The following SGCD variants were observed in gnomAD, a reference collection of about 807,000 sequenced individuals.
SGCD encodes delta-sarcoglycan.
In SGCD, 18 loss-of-function variants were observed where a neutral mutation model predicts 36.6. The observed-to-expected ratio is 0.49, with a 90% confidence interval of 0.34 to 0.73. The LOEUF is 0.73. Ranked by LOEUF, SGCD falls within the 30% of genes least tolerant of loss-of-function variation. The pLI is 0.01. For synonymous variants in SGCD, 133 were observed against 130.6 expected (o/e 1.02, Z -0.12); for missense variants, 387 against 346.7 (o/e 1.12, Z -0.92).
At chr5:156,158,556 C>G (rs1332821589) in intron 3 of SGCD, among the ~76,000 whole-genome samples, 1 of 151,424 alleles carries the variant, frequency 6.6e-6, no homozygotes, top group South Asian at 2.1e-4. Flanking sequence ...TCACGGCCTT[C>G]TCTCCAGTCT....
chr5:156,589,348 A>G, intron 5 of SGCD, 30 bp downstream of exon 5: 1 of 1,235,830 alleles, frequency 8.1e-7, no homozygotes, highest in Non-Finnish European at 1.2e-6. Flanking sequence ...AACAGTGCCT[A>G]GCCCATGCGA....
Position 156,710,702 on chromosome 5 carries a change from G to A in SGCD, c.576-46879G>A, listed in dbSNP as rs367744024. On this transcript the variant is annotated intron_variant, in intron 7 of 8. Transcript: ENST00000337851. ...ATTATCTAAAGATCTGGAGTCAATA[G>A]AGTGTCTCGGTTTAGATAAGGGATT... 4.1e-4 allele frequency among the ~76,000 whole-genome samples: 62 copies of A among 152,324 alleles called. No individual in the cohort carries two copies. The South Asian group carries it at 0.012, about 30-fold the overall frequency.
chr5:156,576,581 C>T (rs530509811), intron 4 of SGCD, among the ~76,000 whole-genome samples: 36 of 152,312 alleles, frequency 2.4e-4, no homozygotes, highest in African/African-American at 8.2e-4. Flanking sequence ...TCCTCTCCAG[C>T]ACTTGTTGTT....
At chr5:155,808,400 C>A in the SGCD span, among the ~76,000 whole-genome samples, 1 of 152,146 alleles carries the variant, frequency 6.6e-6, no homozygotes, top group Admixed American at 6.5e-5. Context: ...AAATTTTGCA[C>A]CCACCCTTGT....
intron 2 of SGCD, among the ~76,000 whole-genome samples, chr5:156,119,697 T>A (rs949552086): frequency 6.6e-6 from 1 of 152,124 alleles, no homozygotes; most frequent in African/African-American, 2.4e-5. Context: ...TACCTTCTGC[T>A]GCTCCCACTC....
intron 1 of SGCD, among the ~76,000 whole-genome samples, chr5:156,024,566 G>A (rs1024296532): frequency 7.2e-5 from 11 of 151,920 alleles, no homozygotes; most frequent in South Asian, 4.2e-4. Flanking sequence ...CACTGTGGCC[G>A]AGAATTCAAA....
the SGCD span, among the ~76,000 whole-genome samples, chr5:155,861,474 G>A: frequency 4.0e-5 from 6 of 151,862 alleles, no homozygotes; most frequent in African/African-American, 7.2e-5. Context: ...AGGCCGAGGC[G>A]GGCGGATCAC....
chr5:156,111,270 G>T (rs922797556), intron 1 of SGCD, among the ~76,000 whole-genome samples: 2 of 152,130 alleles, frequency 1.3e-5, no homozygotes, highest in Non-Finnish European at 2.9e-5. Flanking sequence ...AAGAAATGAT[G>T]CCAAGTGTGG....
chr5:156,726,337 T>C (rs976006486), intron 7 of SGCD, among the ~76,000 whole-genome samples: 24 of 152,308 alleles, frequency 1.6e-4, no homozygotes, highest in Admixed American at 7.2e-4. Context: ...TCCCTGTTCC[T>C]TGTGCTGTGT....
chr5:156,185,802 C>G (rs1763728726), intron 3 of SGCD, among the ~76,000 whole-genome samples: 1 of 116,592 alleles, frequency 8.6e-6, no homozygotes, highest in Non-Finnish European at 1.7e-5. Flanking sequence ...TTTTTACAAA[C>G]TTATAAATAT....
intron 3 of SGCD, among the ~76,000 whole-genome samples, chr5:156,496,957 G>A (rs1039869092): frequency 6.6e-6 from 1 of 152,076 alleles, no homozygotes; most frequent in African/African-American, 2.4e-5. Flanking sequence ...AACTTCTTTT[G>A]ACTGAGCAGC....
intron 4 of SGCD, among the ~76,000 whole-genome samples, chr5:156,572,336 A>G (rs1289163189): frequency 1.3e-5 from 2 of 152,200 alleles, no homozygotes; most frequent in African/African-American, 4.8e-5. Flanking sequence ...TGTTTTTCAT[A>G]GCAGTCGCAC....
At chr5:156,571,495 C>T (rs1006313810) in intron 4 of SGCD, among the ~76,000 whole-genome samples, 1 of 151,980 alleles carries the variant, frequency 6.6e-6, no homozygotes, top group Non-Finnish European at 1.5e-5. Flanking sequence ...TTTAACTGTC[C>T]AGTAACCTCT....
chr5:156,402,418 G>A (rs114814751), intron 3 of SGCD, among the ~76,000 whole-genome samples: 1 of 152,310 alleles, frequency 6.6e-6, no homozygotes, highest in Non-Finnish European at 1.5e-5. Flanking sequence ...CACTCTGAAG[G>A]TTACGTGCAA....
intron 3 of SGCD, among the ~76,000 whole-genome samples, chr5:156,135,833 G>T (rs748424874): frequency 1.3e-5 from 2 of 152,096 alleles, no homozygotes; most frequent in Non-Finnish European, 2.9e-5. Flanking sequence ...TCCTTTAAGA[G>T]ACCATTTTCA....
At chr5:156,102,821 C>T (rs114087267) in intron 1 of SGCD, among the ~76,000 whole-genome samples, 3,076 of 152,012 alleles carry the variant, frequency 0.02, 45 homozygotes, top group Non-Finnish European at 0.034. Flanking sequence ...TGGGTGTGTG[C>T]GTATATACTT....
chr5:155,856,956 A>C, the SGCD span, among the ~76,000 whole-genome samples: 1 of 152,204 alleles, frequency 6.6e-6, no homozygotes, highest in Admixed American at 6.5e-5. Flanking sequence ...TAAACAGGCC[A>C]GGTGCAGTGG....
the SGCD span, among the ~76,000 whole-genome samples, chr5:155,848,923 A>G: frequency 6.6e-6 from 1 of 152,230 alleles, no homozygotes; most frequent in Non-Finnish European, 1.5e-5. Context: ...GAATGAATAC[A>G]TGAATGAATT....
chr5:156,080,004 A>G (rs757715941), intron 1 of SGCD, among the ~76,000 whole-genome samples: 1 of 152,220 alleles, frequency 6.6e-6, no homozygotes, highest in East Asian at 1.9e-4. Context: ...TTCTGCCTGG[A>G]CACCCAGGCT....
Sources: gnomAD v4.1 joint callset for allele counts (sites outside exome capture counted in the v4.1 genomes callset) on GRCh38, gnomAD v4.1.1 for gene constraint, MANE v1.5 for transcripts, NCBI Gene and HGNC (gene_info 2026-07-23, HGNC 2026-07-21) for gene names.